The following ITGA9 variants were observed in gnomAD, a reference collection of about 807,000 sequenced individuals.
ITGA9 encodes the protein integrin alpha-9.
Under a neutral mutation model 127.8 loss-of-function variants are expected in ITGA9, and 56 were observed. The ratio of observed to expected loss-of-function variants is 0.44; its 90% CI spans 0.35 to 0.55. The LOEUF is 0.55. Among genes scored for constraint, ITGA9 ranks in the 20% least tolerant of loss-of-function variants. ITGA9 has a pLI of 0.00. For synonymous variants in ITGA9, 508 were observed against 514.5 expected, an observed-to-expected ratio of 0.99 and a Z score of 0.17; for missense variants, 1,196 against 1,347.1, an observed-to-expected ratio of 0.89 and a Z score of 1.76.
chr3:37,699,331 A>G (rs932475989), intron 18 of ITGA9, among the ~76,000 whole-genome samples: 1 of 152,076 alleles, frequency 6.6e-6, no homozygotes, highest in Non-Finnish European at 1.5e-5. Flanking sequence ...TCTCACACTT[A>G]AGATGTCCAA....
chr3:37,619,709 G>GCCGT (rs1396526185), intron 15 of ITGA9, among the ~76,000 whole-genome samples: 1 of 152,174 alleles, frequency 6.6e-6, no homozygotes, highest in Non-Finnish European at 1.5e-5. Context: ...GTTTCACAAG[G>GCCGT]CCGTACTCAA....
chr3:37,494,330 G>A (rs1698703994), intron 4 of ITGA9, among the ~76,000 whole-genome samples, 171 bp from the exon 5 acceptor site: 1 of 152,156 alleles, frequency 6.6e-6, no homozygotes, highest in African/African-American at 2.4e-5. Flanking sequence ...GATTTTTGAG[G>A]TCTGGTGGAT....
intron 19 of ITGA9, among the ~76,000 whole-genome samples, chr3:37,736,202 G>C (rs978424239): frequency 6.6e-6 from 1 of 152,102 alleles, no homozygotes; most frequent in Non-Finnish European, 1.5e-5. Flanking sequence ...ACATAGGGGG[G>C]TTAGGCCTTC....
intron 16 of ITGA9, among the ~76,000 whole-genome samples, chr3:37,652,103 T>C (rs1490907831): frequency 6.6e-6 from 1 of 150,822 alleles, no homozygotes; most frequent in African/African-American, 2.4e-5. Context: ...GAGGCTTATA[T>C]AGTAGAGGGT....
At chr3:37,765,006 C>A (rs1696763937) in intron 23 of ITGA9, among the ~76,000 whole-genome samples, 1 of 152,206 alleles carries the variant, frequency 6.6e-6, no homozygotes, top group Non-Finnish European at 1.5e-5. Context: ...CATCAGTCTT[C>A]TTCCACCAGA....
rs2125543112 is a variant in ITGA9, at chr3:37,452,657, C to T, written c.185+98C>T. 1 of 1,112,844 alleles carries T rather than the reference C, an allele frequency of 9.0e-7. No homozygotes were observed. The highest frequency in any genetic ancestry group is 3.4e-5 in the East Asian group (1 of 29,410). The allele number at this position is 1,112,844 out of a possible 1,614,324, so 68.9% of individuals were successfully genotyped here. ...CGCCTTTCCGGTCTCTTCCACGCCG[C>T]CGTCCCGAGGGGGCGATTTAAATGT... On this transcript the variant is annotated intron_variant, in intron 1 of 27. Coordinates refer to ENST00000264741, the MANE Select transcript of ITGA9 (RefSeq NM_002207.3). The surrounding 1 kb of genome is among the most constrained non-coding windows in gnomAD (Gnocchi z 7.3).
At chr3:37,485,015 G>C (rs17814006) in intron 4 of ITGA9, among the ~76,000 whole-genome samples, 17,102 of 152,160 alleles carry the variant, frequency 0.11, 1,087 homozygotes, top group Middle Eastern at 0.17. Flanking sequence ...GTACTTGTTA[G>C]TTGCCAGATA....
chr3:37,787,863 T>C (rs1005392561), intron 26 of ITGA9, among the ~76,000 whole-genome samples: 1 of 152,038 alleles, frequency 6.6e-6, no homozygotes, highest in African/African-American at 2.4e-5. Context: ...TGGTATCGAG[T>C]GGGGGAGGAA....
At chr3:37,801,727 A>G (rs1049711754) in intron 26 of ITGA9, among the ~76,000 whole-genome samples, 1 of 152,198 alleles carries the variant, frequency 6.6e-6, no homozygotes, top group Non-Finnish European at 1.5e-5. Flanking sequence ...TCCATTTGTC[A>G]AGGGCGGACT....
At chr3:37,619,504 C>T (rs1288837240) in intron 15 of ITGA9, among the ~76,000 whole-genome samples, 1 of 152,214 alleles carries the variant, frequency 6.6e-6, no homozygotes, top group African/African-American at 2.4e-5. Flanking sequence ...CGTGCAGAAG[C>T]TCTGGAGCAG....
rs190843777 is a variant in ITGA9 at position 37,691,876 on chromosome 3, T to C, written c.2067+7861T>C. ...TTAGAACTCATGATGTTTTGAAAAC[T>C]ATTTGCTGGCTGGAATATTTGTACT... On this transcript the variant is annotated intron_variant, in intron 18 of 27. Coordinates refer to ENST00000264741, the MANE Select transcript of ITGA9 (RefSeq NM_002207.3). 1.6e-3 allele frequency among the ~76,000 whole-genome samples: 237 copies of C among 152,352 alleles called. 2 individuals carry two copies. The highest frequency in any genetic ancestry group is 5.5e-3 in the African/African-American group (227 of 41,584).
rs891515718 is a variant in ITGA9, at chr3:37,783,156, G to T, written c.2788-1821G>T. Among the ~76,000 whole-genome samples the T allele has an allele frequency of 2.6e-5, 4 of 151,842 alleles. No homozygotes were observed. In the South Asian group the frequency reaches 8.3e-4, roughly 32 times the overall value. The stretch of plus-strand genomic sequence containing the variant: ...TCTGTCTCAAAAAAAAAAAATCACC[G>T]TAGGATTCGGATTTTTTTGGAAGTA... On this transcript the variant is annotated intron_variant, in intron 25 of 27. Transcript: ENST00000264741.
chr3:37,812,510 C>T (rs1464153363), intron 27 of ITGA9, among the ~76,000 whole-genome samples: 2 of 152,218 alleles, frequency 1.3e-5, no homozygotes, highest in South Asian at 2.1e-4. Context: ...TCATGCCTCA[C>T]GCAGCACCCA....
intron 22 of ITGA9, among the ~76,000 whole-genome samples, chr3:37,750,048 C>G (rs553946797): frequency 1.9e-4 from 28 of 147,586 alleles, no homozygotes; most frequent in Admixed American, 1.6e-3. Context: ...CACTCCATAC[C>G]CCCCCACCAA....
In ITGA9 at chr3:37,480,743, C is replaced by G. The variant is rs190515350; in HGVS notation, c.421-741C>G. ...CCTCCCTTCCCTGCTGTCTCCACAT[C>G]GGTTCAGTCCCTTGGGCCTGTCAGC... On this transcript the variant is annotated intron_variant, in intron 3 of 27. Coordinates refer to ENST00000264741, the MANE Select transcript of ITGA9 (RefSeq NM_002207.3). Among the ~76,000 whole-genome samples the G allele has an allele frequency of 1.2e-4, 19 of 152,276 alleles. No homozygotes were observed. In the East Asian group the frequency reaches 3.7e-3, roughly 29 times the overall value.
At chr3:37,728,141 G>A (rs1445298995) in intron 18 of ITGA9, among the ~76,000 whole-genome samples, 2 of 152,186 alleles carry the variant, frequency 1.3e-5, no homozygotes, top group Admixed American at 6.5e-5. Flanking sequence ...CTAATGTTAA[G>A]TTCTCTAAGT....
intron 4 of ITGA9, among the ~76,000 whole-genome samples, chr3:37,488,493 T>C (rs191634070): frequency 1.7e-3 from 266 of 152,260 alleles, no homozygotes; most frequent in African/African-American, 6.2e-3. Context: ...AACTCCTTTT[T>C]TGGTAATATT....
At chr3:37,760,907 G>A (rs1696715985) in intron 23 of ITGA9, among the ~76,000 whole-genome samples, 1 of 152,112 alleles carries the variant, frequency 6.6e-6, no homozygotes, top group Non-Finnish European at 1.5e-5. Context: ...GTAACAAATA[G>A]ATAATATATA....
At position 37,820,128 on chromosome 3, in the gene ITGA9, C is replaced by T. The variant is rs1404640783; in HGVS notation, c.*1139C>T. 6.6e-6 allele frequency: 1 copy of T among 152,088 alleles called. No homozygotes were observed. The highest frequency in any genetic ancestry group is 1.5e-5 in the Non-Finnish European group (1 of 68,030). The allele number at this position is 152,088 out of a possible 1,614,324, so 9.4% of individuals were successfully genotyped here. On this transcript the variant is annotated 3_prime_UTR_variant, in exon 28 of 28. Transcript: ENST00000264741. ...CAAGTAACTTATTAAGGAAGTATTC[C>T]CAGGGGATACCAGTAAGAGAGTGGG...
Sources: gnomAD v4.1 joint callset for allele counts (sites outside exome capture counted in the v4.1 genomes callset) on GRCh38, gnomAD v4.1.1 for gene constraint, Gnocchi (gnomAD v3.1) non-coding constraint, MANE v1.5 for transcripts, NCBI Gene and HGNC (gene_info 2026-07-23, HGNC 2026-07-21) for gene names.